Variants in CFAP44 observed in about 807,000 individuals in gnomAD.
The protein encoded by CFAP44 is cilia- and flagella-associated protein 44.
A neutral mutation model predicts 216.2 loss-of-function variants in CFAP44; 134 were observed. That is an observed-to-expected ratio of 0.62 (90% CI 0.54 to 0.72). The LOEUF (loss-of-function observed/expected upper bound fraction) is 0.72, where lower values mean the gene tolerates loss of function less well. CFAP44 is among the 30% of genes least tolerant of loss of function. The probability of loss-of-function intolerance (pLI) is 0.00; values close to 1 mark genes in which losing one functional copy is unlikely to be tolerated. For missense variants in CFAP44, 2,035 were observed against 2,182.1 expected (o/e 0.93, Z 1.34); for synonymous variants, 700 against 727.6 (o/e 0.96, Z 0.61).
chr3:113,398,905 G>GTGAC (rs1934062862), intron 13 of CFAP44, among the ~76,000 whole-genome samples: 1 of 152,146 alleles, frequency 6.6e-6, no homozygotes, highest in Non-Finnish European at 1.5e-5. Flanking sequence ...TATGGGGCTT[G>GTGAC]TGACTGTGTG....
intron 5 of CFAP44, 31 bp from the exon 6 acceptor site, chr3:113,416,658 A>AG (rs1487315930): frequency 1.8e-5 from 27 of 1,470,238 alleles, no homozygotes; most frequent in Non-Finnish European, 2.5e-5. Context: ...CCAAAATATT[A>AG]AAAGAAAGAT....
At chr3:113,371,004 C>A (rs1244324462) in intron 18 of CFAP44, among the ~76,000 whole-genome samples, 1 of 152,058 alleles carries the variant, frequency 6.6e-6, no homozygotes, top group Admixed American at 6.6e-5. Flanking sequence ...AATAAAATAC[C>A]TAGGAATCCA....
At chr3:113,350,798 C>CA (rs1445189714) in intron 22 of CFAP44, among the ~76,000 whole-genome samples, 17 of 152,042 alleles carry the variant, frequency 1.1e-4, no homozygotes, top group Non-Finnish European at 1.6e-4. Flanking sequence ...TATCCTAAGT[C>CA]AAAAAAAGAG....
intron 28 of CFAP44, 24 bp from the exon 29 acceptor site, chr3:113,308,292 T>C (rs1419585622): frequency 1.3e-6 from 2 of 1,489,978 alleles, no homozygotes; most frequent in Admixed American, 4.9e-5. Context: ...AGGGCATTGT[T>C]AACAAAGAAG....
chr3:113,405,659 T>A (rs114625238), intron 8 of CFAP44, among the ~76,000 whole-genome samples: 2,823 of 152,318 alleles, frequency 0.019, 40 homozygotes, highest in Non-Finnish European at 0.03. Context: ...CTCTAAAAAT[T>A]TGATATTTAT....
intron 3 of CFAP44, 31 bp from the exon 4 acceptor site, chr3:113,426,308 A>T: frequency 6.2e-7 from 1 of 1,607,620 alleles, no homozygotes; most frequent in Non-Finnish European, 8.5e-7. Flanking sequence ...AAGAAGAGTG[A>T]TATGGTTTGG....
intron 22 of CFAP44, among the ~76,000 whole-genome samples, chr3:113,356,492 T>C (rs1041293264): frequency 3.9e-5 from 6 of 152,122 alleles, no homozygotes; most frequent in Non-Finnish European, 8.8e-5. Flanking sequence ...GGCACCTGGA[T>C]AGACAGATAG....
chr3:113,295,949 G>T (rs1357924635), intron 33 of CFAP44, among the ~76,000 whole-genome samples: 1 of 152,158 alleles, frequency 6.6e-6, no homozygotes, highest in Non-Finnish European at 1.5e-5. Context: ...ACAAGTCTGT[G>T]ACTTGGATAT....
intron 22 of CFAP44, among the ~76,000 whole-genome samples, chr3:113,348,532 C>T (rs948482301): frequency 3.9e-5 from 6 of 152,200 alleles, no homozygotes; most frequent in African/African-American, 1.4e-4. Flanking sequence ...CTATGCAAAG[C>T]TTGCAATTTA....
chr3:113,435,959 CCCTT>C (rs1245475594), intron 1 of CFAP44, among the ~76,000 whole-genome samples: 1 of 151,752 alleles, frequency 6.6e-6, no homozygotes, highest in African/African-American at 2.4e-5. Flanking sequence ...TTTTCTCCTT[CCCTT>C]CCTTCCTCTT....
intron 6 of CFAP44, among the ~76,000 whole-genome samples, chr3:113,410,879 T>C (rs1055210379): frequency 6.6e-6 from 1 of 152,230 alleles, no homozygotes; most frequent in Non-Finnish European, 1.5e-5. Flanking sequence ...GGTTTTGATT[T>C]GCATTTCTCT....
chr3:113,398,752 T>G (rs1304060861), intron 13 of CFAP44, among the ~76,000 whole-genome samples: 1 of 152,236 alleles, frequency 6.6e-6, no homozygotes, highest in East Asian at 1.9e-4. Context: ...TAGCCTGGAA[T>G]ATTTTCTCTT....
At chr3:113,293,888 A>G in intron 34 of CFAP44, 1 of 399,974 alleles carries the variant, frequency 2.5e-6, no homozygotes, top group South Asian at 1.8e-5. Flanking sequence ...GTTAATGCAG[A>G]CTGCTGGGCC....
At chr3:113,367,583 C>A (rs1302721165) in intron 18 of CFAP44, among the ~76,000 whole-genome samples, 1 of 152,126 alleles carries the variant, frequency 6.6e-6, no homozygotes, top group African/African-American at 2.4e-5. Context: ...TGTAGGTCAC[C>A]AACATCAAAG....
At chr3:113,395,920 C>A in intron 14 of CFAP44, 60 bp from the exon 15 acceptor site, 1 of 1,225,020 alleles carries the variant, frequency 8.2e-7, no homozygotes, top group Non-Finnish European at 1.2e-6. Context: ...GCCTATAGAT[C>A]ACAAAAAAGC....
chr3:113,354,109 C>A (rs1950472455), intron 22 of CFAP44, among the ~76,000 whole-genome samples: 1 of 151,772 alleles, frequency 6.6e-6, no homozygotes, highest in South Asian at 2.1e-4. Flanking sequence ...AATCTTTTTC[C>A]ATGTAACTTA....
chr3:113,303,795 T>C, intron 32 of CFAP44, 121 bp downstream of exon 32: 3 of 1,068,972 alleles, frequency 2.8e-6, no homozygotes, highest in Non-Finnish European at 3.9e-6. Flanking sequence ...GGTGTTCTTG[T>C]TTCCCTTCTC....
At chr3:113,399,170 T>TGACA in intron 13 of CFAP44, among the ~76,000 whole-genome samples, 1 of 152,272 alleles carries the variant, frequency 6.6e-6, no homozygotes, top group South Asian at 2.1e-4. Context: ...CCAACCCAGG[T>TGACA]GACAGCCTTG....
chr3:113,329,808 G>GCTATGTTCCATCCATTAT (rs1293180392), intron 26 of CFAP44, among the ~76,000 whole-genome samples: 1 of 152,130 alleles, frequency 6.6e-6, no homozygotes, highest in African/African-American at 2.4e-5. Context: ...AAAATTCTTA[G>GCTATGTTCCATCCATTAT]CTATGTTCCA....
Sources: allele counts gnomAD v4.1 joint callset (sites outside exome capture counted in the v4.1 genomes callset), GRCh38; gene constraint gnomAD v4.1.1; transcripts MANE v1.5; gene names NCBI Gene and HGNC (gene_info 2026-07-23, HGNC 2026-07-21).